The following CTNNA3 variants were observed in gnomAD, a reference collection of about 807,000 sequenced individuals.
CTNNA3 encodes the protein catenin alpha-3.
CTNNA3 carries 76 observed loss-of-function variants against 95.7 expected under a neutral mutation model. The ratio of observed to expected loss-of-function variants is 0.79; its 90% confidence interval spans 0.66 to 0.96. The LOEUF is 0.96. Among genes scored for constraint, CTNNA3 ranks in the 40% least tolerant of loss-of-function variants. CTNNA3 has a pLI of 0.00. For missense variants in CTNNA3, 1,191 were observed against 1,089.8 expected (o/e 1.09, Z -1.31); for synonymous variants, 431 against 374.4 (o/e 1.15, Z -1.74).
At chr10:67,761,197 A>G (rs1841460016) in intron 1 of CTNNA3, among the ~76,000 whole-genome samples, 2 of 152,192 alleles carry the variant, frequency 1.3e-5, no homozygotes, top group Admixed American at 1.3e-4. Flanking sequence ...GTTTTATGGG[A>G]CTGCTGCTAT....
intron 7 of CTNNA3, among the ~76,000 whole-genome samples, chr10:66,951,472 C>T (rs1488199522): frequency 6.6e-6 from 1 of 152,108 alleles, no homozygotes; most frequent in Non-Finnish European, 1.5e-5. Context: ...TAATGTGTCC[C>T]CTAACGTATT....
chr10:66,845,703 C>CAAAAAAAAAAAAAAAAA (rs61085873), intron 7 of CTNNA3, among the ~76,000 whole-genome samples: 6 of 23,548 alleles, frequency 2.5e-4, no homozygotes, highest in African/African-American at 3.1e-4. Flanking sequence ...AACTCTGTCT[C>CAAAAAAAAAAAAAAAAA]AAAAAAAAAA....
chr10:66,159,067 TTAGGGTTTTCAAGG>T (rs554103925), intron 13 of CTNNA3, among the ~76,000 whole-genome samples: 219 of 151,982 alleles, frequency 1.4e-3, no homozygotes, highest in Admixed American at 6.0e-3. Context: ...GGAGGAGTCT[TTAGGGTTTTCAAGG>T]TAAATGATCA....
intron 10 of CTNNA3, among the ~76,000 whole-genome samples, chr10:66,521,532 T>G (rs1417192482): frequency 6.6e-6 from 1 of 152,144 alleles, no homozygotes; most frequent in African/African-American, 2.4e-5. Context: ...ACATTGCCCT[T>G]GTTTCAGGAG....
chr10:66,991,060 C>T (rs1012256629), intron 7 of CTNNA3, among the ~76,000 whole-genome samples: 14 of 152,092 alleles, frequency 9.2e-5, no homozygotes, highest in Non-Finnish European at 1.5e-4. Context: ...TTACAAGACA[C>T]GCTGCAGAAG....
At chr10:66,501,657 A>G (rs1337118632) in intron 11 of CTNNA3, among the ~76,000 whole-genome samples, 3 of 152,140 alleles carry the variant, frequency 2.0e-5, no homozygotes, top group East Asian at 3.8e-4. Context: ...GCAGAACAGA[A>G]TATCATTTAA....
At chr10:66,494,069 A>T (rs1840022112) in intron 11 of CTNNA3, among the ~76,000 whole-genome samples, 1 of 151,134 alleles carries the variant, frequency 6.6e-6, no homozygotes, top group African/African-American at 2.4e-5. Flanking sequence ...CACCATGCCC[A>T]GCTAATTTTT....
At chr10:67,357,582 A>G (rs1467346215) in intron 5 of CTNNA3, among the ~76,000 whole-genome samples, 2 of 152,116 alleles carry the variant, frequency 1.3e-5, no homozygotes, top group African/African-American at 4.8e-5. Context: ...GAAAAACACA[A>G]CATCATAAAT....
At chr10:66,429,341 T>C (rs374215998) in intron 11 of CTNNA3, among the ~76,000 whole-genome samples, 9 of 152,242 alleles carry the variant, frequency 5.9e-5, no homozygotes, top group African/African-American at 1.2e-4. Context: ...GGAGCTGGTA[T>C]CATTCCTTCT....
chr10:67,292,970 A>T (rs1370739725), intron 5 of CTNNA3, among the ~76,000 whole-genome samples: 5 of 151,994 alleles, frequency 3.3e-5, no homozygotes, highest in African/African-American at 4.8e-5. Flanking sequence ...AATACTAGAT[A>T]AATAAACCAT....
At chr10:66,802,661 C>A (rs1270833908) in intron 7 of CTNNA3, among the ~76,000 whole-genome samples, 5 of 150,404 alleles carry the variant, frequency 3.3e-5, no homozygotes, top group Admixed American at 2.0e-4. Context: ...AAATATATAT[C>A]AAAAAGAATT....
intron 7 of CTNNA3, among the ~76,000 whole-genome samples, chr10:67,106,643 T>C (rs559888793): frequency 3.9e-5 from 6 of 152,180 alleles, no homozygotes; most frequent in Non-Finnish European, 8.8e-5. Context: ...AAAGCAATTA[T>C]ATAACATATA....
chr10:66,052,716 C>T (rs2079985884), intron 15 of CTNNA3, among the ~76,000 whole-genome samples: 2 of 151,934 alleles, frequency 1.3e-5, no homozygotes, highest in South Asian at 4.1e-4. Context: ...AGGATTGAGG[C>T]AGGGTTGAGA....
intron 7 of CTNNA3, among the ~76,000 whole-genome samples, chr10:66,865,234 G>C (rs1053372226): frequency 6.6e-6 from 1 of 151,812 alleles, no homozygotes; most frequent in Non-Finnish European, 1.5e-5. Context: ...GTGTGTGTGT[G>C]TGTGTGTAAA....
intron 13 of CTNNA3, among the ~76,000 whole-genome samples, chr10:66,182,535 G>A (rs2086106453): frequency 6.6e-6 from 1 of 152,088 alleles, no homozygotes; most frequent in Admixed American, 6.5e-5. Flanking sequence ...GATTACAGGC[G>A]TGAGCCACCG....
intron 9 of CTNNA3, among the ~76,000 whole-genome samples, chr10:66,695,456 G>A (rs1847721778): frequency 6.6e-6 from 1 of 152,128 alleles, no homozygotes; most frequent in African/African-American, 2.4e-5. Context: ...AAAATGAGAG[G>A]TTTAAACTTA....
chr10:67,317,431 C>CTT (rs11318586), intron 5 of CTNNA3, among the ~76,000 whole-genome samples: 2 of 131,030 alleles, frequency 1.5e-5, no homozygotes, highest in African/African-American at 5.7e-5. Context: ...TCTCATTGTT[C>CTT]TTTTTTTTTT....
rs191751327 is a variant in CTNNA3, at chr10:66,541,015, G to A, written c.1375-20242C>T. Among the ~76,000 whole-genome samples the A allele has an allele frequency of 3.2e-3, 480 of 152,022 alleles. 3 individuals are homozygous for A. Among genetic ancestry groups the A allele is most frequent in the Middle Eastern group, 6.8e-3 (2 of 294 alleles). On this transcript the variant is annotated intron_variant, in intron 10 of 17. Coordinates refer to ENST00000433211, the MANE Select transcript of CTNNA3 (RefSeq NM_013266.4). The stretch of plus-strand genomic sequence containing the variant: ...AATCAGATCTACATGGAATATTTGC[G>A]GAATCTGATAACCTGCTTTGAGTTT...
intron 16 of CTNNA3, among the ~76,000 whole-genome samples, chr10:65,984,394 T>A (rs761733774): frequency 6.6e-6 from 1 of 151,394 alleles, no homozygotes; most frequent in Non-Finnish European, 1.5e-5. Flanking sequence ...TCATTCTCAG[T>A]TTTGATTACT....
Sources: gnomAD v4.1 joint callset for allele counts (sites outside exome capture counted in the v4.1 genomes callset) on GRCh38, gnomAD v4.1.1 for gene constraint, MANE v1.5 for transcripts, NCBI Gene and HGNC (gene_info 2026-07-23, HGNC 2026-07-21) for gene names.